Variants in RBFOX1 observed in about 807,000 individuals in gnomAD.
The protein encoded by RBFOX1 is RNA binding protein fox-1 homolog 1.
In RBFOX1, 8 loss-of-function variants were observed where a neutral mutation model predicts 57.7. The observed-to-expected ratio is 0.14, with a 90% CI of 0.08 to 0.25. The LOEUF (loss-of-function observed/expected upper bound fraction) is 0.25. Among genes scored for constraint, RBFOX1 ranks in the 10% least tolerant of loss-of-function variants. The probability of loss-of-function intolerance (pLI) is 1.00; values close to 1 mark genes in which losing one functional copy is unlikely to be tolerated. For synonymous variants in RBFOX1, 326 were observed against 222.4 expected (o/e 1.47, Z -4.15); for missense variants, 611 against 548.5 (o/e 1.11, Z -1.14).
At position 6,204,217 on chromosome 16, in the gene RBFOX1, G is replaced by C. The variant is rs141744944; in HGVS notation, c.-126-112778G>C. Among the ~76,000 whole-genome samples, 4 of 152,168 alleles carry C rather than the reference G, an allele frequency of 2.6e-5. No homozygotes were observed. The East Asian group carries it at 7.7e-4, about 29-fold the overall frequency. On this transcript the variant is annotated intron_variant, in intron 1 of 15. Coordinates refer to ENST00000550418, the MANE Select transcript of RBFOX1 (RefSeq NM_018723.4). The stretch of plus-strand genomic sequence containing the variant: ...CATCTTTCACCAAATTCTTCACAAG[G>C]AGAGTTTTACAAGCTTTAAACTGCT...
At chr16:7,585,803 C>T (rs566569707) in intron 6 of RBFOX1, among the ~76,000 whole-genome samples, 2 of 152,144 alleles carry the variant, frequency 1.3e-5, no homozygotes, top group African/African-American at 2.4e-5. Context: ...TAGTAGGACC[C>T]TCTTGACATT....
At chr16:6,729,898 C>G (rs1285939793) in intron 3 of RBFOX1, among the ~76,000 whole-genome samples, 1 of 152,070 alleles carries the variant, frequency 6.6e-6, no homozygotes, top group Non-Finnish European at 1.5e-5. Flanking sequence ...CCAGGAGATA[C>G]AACATGTAAA....
chr16:6,000,887 AG>A (rs1323580875), intron 4 of RBFOX1, among the ~76,000 whole-genome samples: 1 of 60,796 alleles, frequency 1.6e-5, no homozygotes, highest in Non-Finnish European at 3.0e-5. Context: ...GTGGGTGGAT[AG>A]GTAGGTAGGT....
At position 6,392,381 on chromosome 16, in the gene RBFOX1, C is replaced by T. The variant is rs567032646; in HGVS notation, c.-64+75324C>T. The stretch of plus-strand genomic sequence containing the variant: ...ACCATAGAGTACCTTAAATACGTTA[C>T]ATTATATAATTTACTAATAGTAATA... On this transcript the variant is annotated intron_variant, in intron 2 of 15. Coordinates refer to ENST00000550418, the MANE Select transcript of RBFOX1 (RefSeq NM_018723.4). Among the ~76,000 whole-genome samples, 9 of 152,204 alleles carry T rather than the reference C, an allele frequency of 5.9e-5. No individual in the cohort carries two copies. The East Asian group carries it at 1.5e-3, about 26-fold the overall frequency.
chr16:5,961,482 A>AAAAAC lies in RBFOX1; in HGVS notation c.351+94165_351+94169dup, dbSNP rs201980383. Reference sequence around the variant, plus strand: ...CTCCCTTTGTGCTCTTTTGTTTAAAAAAAACAAAACAAAACAAAACAATAG... The same window carrying AAAAAC: ...CTCCCTTTGTGCTCTTTTGTTTAAAAAAAACAAAACAAAACAAAACAAAACAATAG... On this transcript the variant is annotated intron_variant, in intron 4 of 19. Transcript: ENST00000641259. 5.0e-5 allele frequency among the ~76,000 whole-genome samples: 7 copies of AAAAAC among 139,450 alleles called. No homozygotes were observed. In the East Asian group the frequency reaches 1.4e-3, roughly 29 times the overall value. 91.5% of individuals were successfully genotyped at this position (139,450 alleles called of 152,430 possible). A position where few individuals can be genotyped will look rare whatever the true frequency, so the allele number is the denominator to read the frequency against.
chr16:5,949,111 C>A (rs1445440320), intron 4 of RBFOX1, among the ~76,000 whole-genome samples: 1 of 152,102 alleles, frequency 6.6e-6, no homozygotes. Flanking sequence ...CTACTAGAGT[C>A]TGTATCTACT....
chr16:6,657,660 C>T (rs888131502), intron 3 of RBFOX1, among the ~76,000 whole-genome samples: 1 of 152,210 alleles, frequency 6.6e-6, no homozygotes, highest in African/African-American at 2.4e-5. Context: ...ATGCTTCTGG[C>T]AAAATCAGTA....
intron 2 of RBFOX1, among the ~76,000 whole-genome samples, chr16:6,630,118 C>G (rs1175487628): frequency 6.6e-6 from 1 of 152,058 alleles, no homozygotes; most frequent in Non-Finnish European, 1.5e-5. Flanking sequence ...CTGTGCTTGA[C>G]ATCTCATTAT....
At chr16:5,581,404 C>T (rs558548950) in intron 2 of RBFOX1, among the ~76,000 whole-genome samples, 1 of 152,320 alleles carries the variant, frequency 6.6e-6, no homozygotes, top group African/African-American at 2.4e-5. Context: ...TGGGGCTGTG[C>T]TTGGTTCCTG....
chr16:5,543,436 C>G (rs2045050641), intron 2 of RBFOX1, among the ~76,000 whole-genome samples: 1 of 151,908 alleles, frequency 6.6e-6, no homozygotes, highest in Non-Finnish European at 1.5e-5. Flanking sequence ...TGCCCATACA[C>G]AAAAAAGATG....
At chr16:6,913,038 C>T (rs1342946478) in intron 3 of RBFOX1, among the ~76,000 whole-genome samples, 1 of 152,080 alleles carries the variant, frequency 6.6e-6, no homozygotes, top group Non-Finnish European at 1.5e-5. Flanking sequence ...GGATGGGCTT[C>T]TGATGGGTGG....
intron 4 of RBFOX1, among the ~76,000 whole-genome samples, chr16:7,408,103 CA>C (rs1238419555): frequency 6.6e-6 from 1 of 152,184 alleles, no homozygotes. Flanking sequence ...GTTGATTAAC[CA>C]GAACACAACA....
intron 1 of RBFOX1, among the ~76,000 whole-genome samples, chr16:6,281,876 C>G (rs1219541136): frequency 6.6e-6 from 1 of 151,948 alleles, no homozygotes; most frequent in African/African-American, 2.4e-5. Flanking sequence ...AGGTTGGAAC[C>G]CAGGCAATTT....
chr16:5,912,221 G>A (rs1021078566), intron 4 of RBFOX1, among the ~76,000 whole-genome samples: 2 of 152,152 alleles, frequency 1.3e-5, no homozygotes, highest in Admixed American at 6.6e-5. Flanking sequence ...TAGGGGGTTT[G>A]CTGAGGTTAC....
At chr16:7,089,320 C>A (rs1416548758) in intron 4 of RBFOX1, among the ~76,000 whole-genome samples, 1 of 152,104 alleles carries the variant, frequency 6.6e-6, no homozygotes, top group East Asian at 1.9e-4. Context: ...TATCTAACAA[C>A]ACTGAATTCT....
At chr16:5,495,025 C>T (rs1169389739) in intron 2 of RBFOX1, among the ~76,000 whole-genome samples, 3 of 152,170 alleles carry the variant, frequency 2.0e-5, no homozygotes, top group Non-Finnish European at 4.4e-5. Context: ...TCTCATACTG[C>T]TATAAAAGAC....
chr16:6,910,522 C>G (rs1002467651), intron 3 of RBFOX1, among the ~76,000 whole-genome samples: 19 of 152,214 alleles, frequency 1.2e-4, no homozygotes, highest in African/African-American at 4.1e-4. Flanking sequence ...CATGCTTTTC[C>G]TTGTAGTTCT....
At chr16:7,163,970 A>C (rs918954540) in intron 4 of RBFOX1, among the ~76,000 whole-genome samples, 1 of 152,030 alleles carries the variant, frequency 6.6e-6, no homozygotes, top group Non-Finnish European at 1.5e-5. Flanking sequence ...TGTTTTTTCT[A>C]ATTTTAATTT....
intron 4 of RBFOX1, among the ~76,000 whole-genome samples, chr16:7,129,113 G>A (rs942581882): frequency 3.3e-5 from 5 of 151,992 alleles, no homozygotes; most frequent in South Asian, 2.1e-4. Context: ...GCCACGGCAC[G>A]CAGTCATAAA....
Sources: allele counts gnomAD v4.1 joint callset (sites outside exome capture counted in the v4.1 genomes callset), GRCh38; gene constraint gnomAD v4.1.1; transcripts MANE v1.5; gene names NCBI Gene and HGNC (gene_info 2026-07-23, HGNC 2026-07-21).